Variants in MEGF6 observed in about 807,000 individuals in gnomAD.
The protein encoded by MEGF6 is multiple EGF like domains 6, also known as multiple epidermal growth factor-like domains protein 6.
A neutral mutation model predicts 207.1 loss-of-function variants in MEGF6; 184 were observed. The observed-to-expected ratio is 0.89, with a 90% confidence interval of 0.79 to 1.00. MEGF6 has a LOEUF of 1.00. Among genes scored for constraint, MEGF6 ranks in the 50% least tolerant of loss-of-function variants. The pLI is 0.00. For missense variants in MEGF6, 2,282 were observed against 2,202.9 expected (o/e 1.04, Z -0.72); for synonymous variants, 1,038 against 910.0 (o/e 1.14, Z -2.53).
chr1:3,511,512 G>A, intron 9 of MEGF6, 38 bp downstream of exon 9: 1 of 1,575,442 alleles, frequency 6.3e-7, no homozygotes, highest in Non-Finnish European at 8.7e-7. Flanking sequence ...CGGGTCCCTG[G>A]AGTGGGGTGC....
chr1:3,491,659 G>T (rs557452757), intron 35 of MEGF6, among the ~76,000 whole-genome samples: 1 of 151,286 alleles, frequency 6.6e-6, no homozygotes, highest in Admixed American at 6.6e-5. Context: ...GCAGCCTGGC[G>T]CCCGGCCTTT....
Position 3,499,719 on chromosome 1 carries a change from GC to G in MEGF6, c.2837-4del. 1.2e-6 allele frequency: 2 copies of G among 1,603,558 alleles called. No individual in the cohort carries two copies. The highest frequency in any genetic ancestry group is 1.7e-6 in the Non-Finnish European group (2 of 1,176,142). ...TCCAAAGAAGCCGGCCGGGCAGGCT[GC>G]AGACAGCGGGCAGTGATGTGGAGGG... is the stretch of plus-strand genomic sequence containing the variant. On this transcript the variant is annotated splice_polypyrimidine_tract_variant and splice_region_variant and intron_variant, in intron 22 of 36. Coordinates refer to ENST00000356575, the MANE Select transcript of MEGF6 (RefSeq NM_001409.4).
At chr1:3,497,200 C>G in intron 27 of MEGF6, 33 bp downstream of exon 27, 1 of 1,531,120 alleles carries the variant, frequency 6.5e-7, no homozygotes, top group Non-Finnish European at 8.8e-7. Context: ...CCTGCCCAGC[C>G]GCTCCTCGGG....
At chr1:3,570,471 G>A (rs1643465113) in intron 4 of MEGF6, among the ~76,000 whole-genome samples, 1 of 152,230 alleles carries the variant, frequency 6.6e-6, no homozygotes, top group Admixed American at 6.5e-5. Context: ...CTGGGCATGG[G>A]GTTTTCTGAT....
chr1:3,563,366 A>G (rs1398389278), intron 4 of MEGF6, among the ~76,000 whole-genome samples: 2 of 151,880 alleles, frequency 1.3e-5, no homozygotes, highest in Non-Finnish European at 2.9e-5. Flanking sequence ...AGAGCCTCCC[A>G]CCGCCCAGAC....
At chr1:3,548,923 C>T (rs760598676) in intron 4 of MEGF6, among the ~76,000 whole-genome samples, 3 of 152,208 alleles carry the variant, frequency 2.0e-5, no homozygotes, top group Non-Finnish European at 2.9e-5. Flanking sequence ...GGCACAGGGG[C>T]TGCAGGGTCT....
intron 4 of MEGF6, among the ~76,000 whole-genome samples, chr1:3,559,783 G>A (rs7544344): frequency 0.049 from 7,461 of 152,110 alleles, 243 homozygotes; most frequent in Middle Eastern, 0.075. Flanking sequence ...AGGCCGAGGC[G>A]GGCAAATCAC....
chr1:3,506,538 G>A (rs75829619), intron 14 of MEGF6, among the ~76,000 whole-genome samples: 7,011 of 152,274 alleles, frequency 0.046, 221 homozygotes, highest in East Asian at 0.11. Flanking sequence ...ATCAGGAGCC[G>A]CCTGACTTCT....
rs115678263 is a variant in MEGF6, at chr1:3,561,187, A to G, written c.481+18638T>C. Among the ~76,000 whole-genome samples, 802 of 152,274 alleles carry G rather than the reference A, an allele frequency of 5.3e-3. 6 individuals carry two copies. The highest frequency in any genetic ancestry group is 0.021 in the South Asian group (100 of 4,826). ...TGAGGCTGATGGAAGGGGGAGATGC[A>G]GGCTTTGAGCTGAGCTCCAGGCAAT... On this transcript the variant is annotated intron_variant, in intron 4 of 36. Transcript: ENST00000356575.
chr1:3,506,291 G>A (rs1049031708), intron 14 of MEGF6, 55 bp from the exon 15 acceptor site: 2 of 1,586,108 alleles, frequency 1.3e-6, no homozygotes, highest in African/African-American at 1.3e-5. Flanking sequence ...TACCACATGT[G>A]GTCCCCCCAT....
Position 3,509,217 on chromosome 1 carries a change from G to C in MEGF6, c.1386C>G (p.Asp462Glu). ...GGGGCCGCACGAAAGGCAGCTCGCC[G>C]TCCAGGTCCACCATCGGCTCCTCCA... ...SPLEEPMVDL[D>E]GELPFVRPLP... Residue 462 changes from aspartate (D) to glutamate (E), a missense_variant, in exon 12 of 37, where the codon GAC becomes GAG. Physicochemically the swap from Asp to Glu is conservative, Grantham distance 45. Transcript: ENST00000356575. The C allele has an allele frequency of 1.3e-6, 2 of 1,543,080 alleles. No individual in the cohort carries two copies. Among genetic ancestry groups the C allele is most frequent in the South Asian group, 1.2e-5 (1 of 83,418 alleles).
At chr1:3,499,469 T>C in intron 23 of MEGF6, 119 bp downstream of exon 23, 1 of 1,471,544 alleles carries the variant, frequency 6.8e-7, no homozygotes, top group Admixed American at 2.1e-5. Flanking sequence ...AAAGCATCAC[T>C]CTCAGGGGGG....
chr1:3,559,522 T>TAAAA (rs59799522), intron 4 of MEGF6, among the ~76,000 whole-genome samples: 84 of 105,434 alleles, frequency 8.0e-4, no homozygotes, highest in South Asian at 1.8e-3. Context: ...CCTTGTCTCT[T>TAAAA]AAAAAAAAAA....
At chr1:3,541,515 C>G (rs1642518193) in intron 4 of MEGF6, among the ~76,000 whole-genome samples, 1 of 152,242 alleles carries the variant, frequency 6.6e-6, no homozygotes, top group African/African-American at 2.4e-5. Context: ...ATGCGGGCAC[C>G]TGGCCTGGGT....
chr1:3,591,554 TTTCAGGTGGGTG>T (rs1171671811), intron 3 of MEGF6, among the ~76,000 whole-genome samples: 2 of 152,178 alleles, frequency 1.3e-5, no homozygotes, highest in Non-Finnish European at 2.9e-5. Flanking sequence ...AATCCCAGGT[TTTCAGGTGGGTG>T]TTGTCACACC....
intron 34 of MEGF6, 127 bp from the exon 35 acceptor site, chr1:3,492,894 G>A (rs563632406): frequency 5.4e-4 from 732 of 1,354,004 alleles, no homozygotes; most frequent in Non-Finnish European, 6.6e-4. Flanking sequence ...GGGTGTGTGC[G>A]GGAGCTAAGA....
In MEGF6 at chr1:3,495,926, A is replaced by G; in HGVS notation, c.3835T>C (p.Cys1279Arg). 1 of 1,597,032 alleles carries G rather than the reference A, an allele frequency of 6.3e-7. No individual in the cohort carries two copies. Among genetic ancestry groups the G allele is most frequent in the Non-Finnish European group, 8.5e-7 (1 of 1,178,768 alleles). ...CGGACGCCGGCTCTCCCCGGGGGGC[A>G]GAGGCAGGTGCCGGTCACAGGGTCG... ...ACDPVTGTCL[C>R]PPGRAGVRCE... The change falls in exon 30 of 37, where the codon TGC becomes CGC. Residue 1279 changes from cysteine to arginine, a missense_variant. Coordinates refer to ENST00000356575, the MANE Select transcript of MEGF6 (RefSeq NM_001409.4).
chr1:3,516,395 G>A (rs1235959141), intron 5 of MEGF6, among the ~76,000 whole-genome samples: 2 of 152,236 alleles, frequency 1.3e-5, no homozygotes, highest in African/African-American at 4.8e-5. Flanking sequence ...CGAGCTCAGA[G>A]GGAAGCCGCA....
intron 24 of MEGF6, 147 bp from the exon 25 acceptor site, chr1:3,498,973 TC>T: frequency 1.4e-6 from 2 of 1,405,032 alleles, no homozygotes; most frequent in Non-Finnish European, 1.9e-6. Flanking sequence ...CCAGCCTCAC[TC>T]CCCATCCCTG....
Sources: allele counts gnomAD v4.1 joint callset (sites outside exome capture counted in the v4.1 genomes callset), GRCh38; gene constraint gnomAD v4.1.1; transcripts MANE v1.5; gene names NCBI Gene and HGNC (gene_info 2026-07-23, HGNC 2026-07-21).